SLC1A6: variants seen among roughly 807,000 people sequenced by gnomAD.
SLC1A6 encodes the protein excitatory amino acid transporter 4.
In SLC1A6, 15 loss-of-function variants were observed where a neutral mutation model predicts 42.1. The ratio of observed to expected loss-of-function variants is 0.36; its 90% CI spans 0.24 to 0.55. The LOEUF (loss-of-function observed/expected upper bound fraction) is 0.55. Ranked by LOEUF, SLC1A6 falls within the 20% of genes least tolerant of loss-of-function variation. The pLI is 0.88. For synonymous variants in SLC1A6, 317 were observed against 319.7 expected (o/e 0.99, Z 0.09); for missense variants, 542 against 772.5 (o/e 0.70, Z 3.54).
chr19:14,962,516 T>A (rs1364407041), intron 5 of SLC1A6, among the ~76,000 whole-genome samples, 171 bp from the exon 6 acceptor site: 1 of 152,176 alleles, frequency 6.6e-6, no homozygotes, highest in Non-Finnish European at 1.5e-5. Flanking sequence ...CAGATCTGAA[T>A]GAGTGAATGA....
intron 4 of SLC1A6, among the ~76,000 whole-genome samples, chr19:14,967,871 A>T (rs1458092931): frequency 6.6e-6 from 1 of 152,146 alleles, no homozygotes; most frequent in Admixed American, 6.6e-5. Flanking sequence ...TGATAACACC[A>T]CTGACCATGG....
intron 3 of SLC1A6, among the ~76,000 whole-genome samples, chr19:14,969,028 C>T (rs954323273): frequency 2.7e-4 from 41 of 151,976 alleles, no homozygotes; most frequent in Admixed American, 6.6e-4. Flanking sequence ...TTAGTAGAGA[C>T]GGGGTTTCAC....
At chr19:14,970,869 T>C (rs8112689) in intron 3 of SLC1A6, among the ~76,000 whole-genome samples, 57,713 of 151,658 alleles carry the variant, frequency 0.38, 11,301 homozygotes, top group East Asian at 0.59. Context: ...TGGTGGCTCA[T>C]GCCTGCTATC....
chr19:14,961,907 G>A, intron 6 of SLC1A6, 95 bp downstream of exon 6: 1 of 1,501,086 alleles, frequency 6.7e-7, no homozygotes, highest in East Asian at 2.3e-5. Context: ...GTAAATGAAT[G>A]ACCAAAAGTC....
In SLC1A6 at chr19:14,966,584, G is replaced by A. The variant is rs189768272; in HGVS notation, c.548+1719C>T. Among the ~76,000 whole-genome samples the A allele has an allele frequency of 1.7e-3, 251 of 151,932 alleles. 3 individuals are homozygous for A. The highest frequency in any genetic ancestry group is 6.9e-3 in the South Asian group (33 of 4,802). Reference sequence around the variant, plus strand: ...AATTTAGTTAATTTTTTAAAAAATCGTGCTGCTTCTATTTACAATAGCAAA... The same window carrying A: ...AATTTAGTTAATTTTTTAAAAAATCATGCTGCTTCTATTTACAATAGCAAA... On this transcript the variant is annotated intron_variant, in intron 4 of 9. Coordinates refer to ENST00000594383, the MANE Select transcript of SLC1A6 (RefSeq NM_005071.3).
At chr19:14,959,761 C>T (rs1599988244) in intron 6 of SLC1A6, among the ~76,000 whole-genome samples, 5 of 152,288 alleles carry the variant, frequency 3.3e-5, no homozygotes, top group Admixed American at 2.6e-4. Context: ...GCCTGAAATA[C>T]GTCTCCCCTC....
upstream of SLC1A6, among the ~76,000 whole-genome samples, chr19:14,984,697 A>G (rs931249964): frequency 6.6e-6 from 1 of 152,216 alleles, no homozygotes; most frequent in African/African-American, 2.4e-5. Flanking sequence ...TGCATTCGTC[A>G]TTTGAAAAAT....
upstream of SLC1A6, among the ~76,000 whole-genome samples, chr19:14,982,005 C>G (rs1311038743): frequency 6.6e-6 from 1 of 151,858 alleles, no homozygotes; most frequent in African/African-American, 2.4e-5. Flanking sequence ...TTGCAGTGAA[C>G]TATGATTGTG....
chr19:14,952,709 C>T (rs536975970), intron 9 of SLC1A6, among the ~76,000 whole-genome samples: 8 of 152,044 alleles, frequency 5.3e-5, no homozygotes, highest in Non-Finnish European at 1.2e-4. Flanking sequence ...ATAGGTAAAG[C>T]CCCCATTGCT....
chr19:14,965,448 C>T lies in SLC1A6; in HGVS notation c.549-1087G>A, dbSNP rs531731594. On this transcript the variant is annotated intron_variant, in intron 4 of 9. Transcript: ENST00000594383. ...CTGCACACATATGTTTATCACAGTA[C>T]AATTCACAGTTGCAAAGAAATGGAA... Among the ~76,000 whole-genome samples, 41 of 152,276 alleles carry T rather than the reference C, an allele frequency of 2.7e-4. No homozygotes were observed. The East Asian group carries it at 5.2e-3, about 19-fold the overall frequency.
chr19:14,971,944 C>T, intron 2 of SLC1A6, 70 bp from the exon 3 acceptor site: 2 of 1,542,798 alleles, frequency 1.3e-6, no homozygotes, highest in South Asian at 2.3e-5. Flanking sequence ...TCCATCCATC[C>T]CAAGAAGGGT....
chr19:14,962,232 G>T lies in SLC1A6; in HGVS notation c.705C>A (p.Ser235Arg). 3 of 1,614,184 alleles carry T rather than the reference G, an allele frequency of 1.9e-6. No individual in the cohort carries two copies. Among genetic ancestry groups the T allele is most frequent in the Non-Finnish European group, 2.5e-6 (3 of 1,180,024 alleles). The change falls in exon 6 of 10, where the codon AGC becomes AGA. Residue 235 changes from serine (S) to arginine (R), a missense_variant. Coordinates refer to ENST00000594383, the MANE Select transcript of SLC1A6 (RefSeq NM_005071.3). ...AGGCCCGAGTGACATTTTCCAGGAA[G>T]CTGGTTCCGTTCTCCACTGAGAATG... Reference protein sequence around the residue: ...PPPFSVENGTSFLENVTRALG... With the variant: ...PPPFSVENGTRFLENVTRALG...
chr19:15,004,867 G>T (rs1057309892), intron 1 of SLC1A6, among the ~76,000 whole-genome samples: 39 of 152,248 alleles, frequency 2.6e-4, no homozygotes, highest in African/African-American at 8.7e-4. Context: ...TGTACATAAT[G>T]TTTCTGTAGA....
At chr19:14,996,597 C>CTTCTTCTTCTT (rs1555710452) in intron 1 of SLC1A6, among the ~76,000 whole-genome samples, 3 of 149,944 alleles carry the variant, frequency 2.0e-5, no homozygotes, top group African/African-American at 7.4e-5. Flanking sequence ...TCTCATTGTA[C>CTTCTTCTTCTT]CTTAAGCCGT....
At chr19:14,965,828 C>T (rs528437534) in intron 4 of SLC1A6, among the ~76,000 whole-genome samples, 17 of 140,496 alleles carry the variant, frequency 1.2e-4, no homozygotes, top group African/African-American at 3.0e-4. Context: ...CCAGCCTGGG[C>T]GACAGAGTGA....
At chr19:15,000,677 A>C (rs2045868174) in intron 1 of SLC1A6, among the ~76,000 whole-genome samples, 1 of 152,120 alleles carries the variant, frequency 6.6e-6, no homozygotes, top group South Asian at 2.1e-4. Flanking sequence ...GGGGAGTGCA[A>C]ATATCTCCTT....
At chr19:14,999,829 T>G (rs1473178373) in intron 1 of SLC1A6, among the ~76,000 whole-genome samples, 2 of 150,940 alleles carry the variant, frequency 1.3e-5, no homozygotes, top group Non-Finnish European at 3.0e-5. Context: ...CAACATTTTA[T>G]TATAAAATAG....
At chr19:14,950,452 G>C in intron 9 of SLC1A6, 62 bp from the exon 10 acceptor site, 1 of 1,326,282 alleles carries the variant, frequency 7.5e-7, no homozygotes, top group Non-Finnish European at 1.0e-6. Flanking sequence ...CAGAAAGAGG[G>C]TGCAGCAGAG....
At chr19:14,998,183 G>C (rs1239718382) in intron 1 of SLC1A6, among the ~76,000 whole-genome samples, 1 of 152,102 alleles carries the variant, frequency 6.6e-6, no homozygotes, top group African/African-American at 2.4e-5. Context: ...GACGGAATCA[G>C]ACATGCCTCA....
Sources: allele counts gnomAD v4.1 joint callset (sites outside exome capture counted in the v4.1 genomes callset), GRCh38; gene constraint gnomAD v4.1.1; transcripts MANE v1.5; gene names NCBI Gene and HGNC (gene_info 2026-07-23, HGNC 2026-07-21).